The following FBN1 variants were observed in gnomAD, a reference collection of about 807,000 sequenced individuals.
FBN1 encodes fibrillin 1.
In FBN1, 29 loss-of-function variants were observed where a neutral mutation model predicts 365.1. The observed-to-expected ratio is 0.08, with a 90% CI of 0.06 to 0.11. The LOEUF is 0.11. FBN1 is among the 10% of genes least tolerant of loss of function. FBN1 has a pLI of 1.00. For synonymous variants in FBN1, 1,210 were observed against 1,270.5 expected (o/e 0.95, Z 1.01); for missense variants, 2,476 against 3,703.2 (o/e 0.67, Z 8.60).
intron 2 of FBN1, among the ~76,000 whole-genome samples, chr15:48,637,052 G>A (rs921567106): frequency 6.6e-6 from 1 of 152,134 alleles, no homozygotes; most frequent in Non-Finnish European, 1.5e-5. Context: ...ATATGGAGGT[G>A]GGAGCATTCT....
chr15:48,463,762 T>C, intron 41 of FBN1, 137 bp downstream of exon 41: 1 of 978,222 alleles, frequency 1.0e-6, no homozygotes, highest in Admixed American at 2.0e-5. Context: ...AGGGGAAGAG[T>C]CTCCTAACAA....
chr15:48,539,577 G>A (rs984945692), intron 6 of FBN1, among the ~76,000 whole-genome samples: 2 of 152,136 alleles, frequency 1.3e-5, no homozygotes, highest in Non-Finnish European at 2.9e-5. Flanking sequence ...TGAGGATGAT[G>A]AATTGAAAAA....
intron 57 of FBN1, 139 bp from the exon 58 acceptor site, chr15:48,427,912 T>C: frequency 4.0e-6 from 3 of 758,072 alleles, no homozygotes; most frequent in Non-Finnish European, 4.6e-6. Flanking sequence ...AGGGGAAAGC[T>C]GGAGACAGCA....
Position 48,444,809 on chromosome 15 carries a change from T to C in FBN1, c.5918-149A>G, listed in dbSNP as rs192548364. On this transcript the variant is annotated intron_variant, in intron 48 of 65. Coordinates refer to ENST00000316623, the MANE Select transcript of FBN1 (RefSeq NM_000138.5). Reference sequence around the variant, plus strand: ...TTCCACCATGGAGAAAAATAAGCAATAATAAAAATAAGCTTTATCAGCTTT... The same window carrying C: ...TTCCACCATGGAGAAAAATAAGCAACAATAAAAATAAGCTTTATCAGCTTT... 60 of 838,904 alleles carry C rather than the reference T, an allele frequency of 7.2e-5. 1 individual carries two copies. The Admixed American group carries it at 1.2e-3, about 17-fold the overall frequency. 52.0% of individuals were successfully genotyped at this position (838,904 alleles called of 1,614,324 possible).
intron 42 of FBN1, among the ~76,000 whole-genome samples, chr15:48,461,827 T>A (rs930077468): frequency 2.0e-5 from 3 of 152,206 alleles, no homozygotes; most frequent in African/African-American, 7.2e-5. Context: ...AAAGTTTTAT[T>A]TATGGGAAAC....
At chr15:48,520,548 T>C in intron 10 of FBN1, 111 bp downstream of exon 10, 1 of 1,271,622 alleles carries the variant, frequency 7.9e-7, no homozygotes. Flanking sequence ...TTATATTTCC[T>C]GGAGACTACT....
chr15:48,481,646 C>A lies in FBN1; in HGVS notation c.3964+9G>T, dbSNP rs1412748899. 6.2e-7 allele frequency: 1 copy of A among 1,613,312 alleles called. No individual in the cohort carries two copies. Among genetic ancestry groups the A allele is most frequent in the South Asian group, 1.1e-5 (1 of 91,000 alleles). On this transcript the variant is annotated intron_variant, in intron 32 of 65. Transcript: ENST00000316623. ...TTAATATTTTATTGTTCTACTTGAA[C>A]AAACACACCTGTACAGCCAGTTTTT...
intron 40 of FBN1, among the ~76,000 whole-genome samples, chr15:48,464,389 T>C (rs2141268228): frequency 6.6e-6 from 1 of 152,216 alleles, no homozygotes; most frequent in Non-Finnish European, 1.5e-5. Context: ...TGCACACCTG[T>C]AGTCCCAGCT....
At chr15:48,421,503 C>T (rs1258027757) in intron 62 of FBN1, 55 bp downstream of exon 62, 38 of 1,598,870 alleles carry the variant, frequency 2.4e-5, no homozygotes, top group Non-Finnish European at 3.1e-5. Context: ...AATAGCCACA[C>T]AGGCCACCTC....
chr15:48,504,085 A>G, intron 16 of FBN1, 146 bp from the exon 17 acceptor site: 1 of 1,007,784 alleles, frequency 9.9e-7, no homozygotes, highest in Non-Finnish European at 1.5e-6. Flanking sequence ...CCATTTGAAG[A>G]AAAAATAAAC....
At chr15:48,423,242 A>G (rs2042956410) in intron 60 of FBN1, among the ~76,000 whole-genome samples, 1 of 152,196 alleles carries the variant, frequency 6.6e-6, no homozygotes, top group Admixed American at 6.5e-5. Flanking sequence ...CTATGCCCTC[A>G]CCATCTGCAC....
chr15:48,643,341 G>A (rs1349530022), intron 2 of FBN1: 3 of 152,132 alleles, frequency 2.0e-5, no homozygotes, highest in Admixed American at 6.5e-5. Context: ...TATTTTCCAC[G>A]AAGGCCAAGA....
At chr15:48,644,275 A>G in intron 2 of FBN1, 1 of 331,616 alleles carries the variant, frequency 3.0e-6, no homozygotes, top group East Asian at 6.0e-5. Flanking sequence ...CAGAATTGAT[A>G]TTGCAGGGAA....
intron 6 of FBN1, among the ~76,000 whole-genome samples, chr15:48,579,688 C>T (rs894434216): frequency 4.0e-4 from 61 of 152,290 alleles, no homozygotes; most frequent in African/African-American, 1.4e-3. Context: ...CACTTTATGT[C>T]CCATCCCTTC....
chr15:48,547,440 C>T (rs1304096505), intron 6 of FBN1, among the ~76,000 whole-genome samples: 2 of 152,110 alleles, frequency 1.3e-5, no homozygotes, highest in Non-Finnish European at 2.9e-5. Context: ...GTTCATTCTA[C>T]AGGAAATGGA....
chr15:48,469,767 C>T lies in FBN1; in HGVS notation c.4459+867G>A, dbSNP rs370828495. On this transcript the variant is annotated intron_variant, in intron 36 of 65. Transcript: ENST00000316623. ...TGGGGCACGCAGGACAGGGTACAGG[C>T]CATGGAGAGGGGGACTTCCTGAGGC... Among the ~76,000 whole-genome samples, 3 of 152,092 alleles carry T rather than the reference C, an allele frequency of 2.0e-5. No individual in the cohort carries two copies. In the East Asian group the frequency reaches 5.8e-4, roughly 29 times the overall value.
At chr15:48,499,550 T>C (rs1294223849) in intron 17 of FBN1, among the ~76,000 whole-genome samples, 1 of 152,188 alleles carries the variant, frequency 6.6e-6, no homozygotes, top group Non-Finnish European at 1.5e-5. Flanking sequence ...AGTGTATTTT[T>C]AAAGTTAATA....
intron 50 of FBN1, among the ~76,000 whole-genome samples, chr15:48,439,429 A>T (rs1234934285): frequency 6.6e-6 from 1 of 152,232 alleles, no homozygotes; most frequent in African/African-American, 2.4e-5. Flanking sequence ...GAGAAACTTC[A>T]AGACTGAACA....
intron 53 of FBN1, among the ~76,000 whole-genome samples, chr15:48,435,698 GTGTGTATATATATGTGTGTATATATA>G (rs2043062003): frequency 1.8e-5 from 2 of 111,432 alleles, no homozygotes; most frequent in African/African-American, 3.1e-5. Context: ...GTGCATGTGT[GTGTGTATATATATGTGTGTATATATA>G]TGTGTATATA....
Sources: allele counts gnomAD v4.1 joint callset (sites outside exome capture counted in the v4.1 genomes callset), GRCh38; gene constraint gnomAD v4.1.1; transcripts MANE v1.5; gene names NCBI Gene and HGNC (gene_info 2026-07-23, HGNC 2026-07-21).